Variants in GRID2 observed in about 807,000 individuals in gnomAD.
GRID2 encodes the protein glutamate ionotropic receptor delta type subunit 2, also known as glutamate receptor ionotropic, delta-2.
Under a neutral mutation model 114.8 loss-of-function variants are expected in GRID2, and 33 were observed. The ratio of observed to expected loss-of-function variants is 0.29; its 90% confidence interval spans 0.22 to 0.38. GRID2 has a LOEUF of 0.38. GRID2 is among the 10% of genes least tolerant of loss of function. The pLI is 1.00. For missense variants in GRID2, 1,184 were observed against 1,257.7 expected (o/e 0.94, Z 0.89); for synonymous variants, 505 against 449.9 (o/e 1.12, Z -1.55).
chr4:92,909,731 T>C (rs554164943), intron 2 of GRID2, among the ~76,000 whole-genome samples: 3 of 152,302 alleles, frequency 2.0e-5, no homozygotes, highest in African/African-American at 7.2e-5. Flanking sequence ...TGCTAATGCC[T>C]TCTGTTATTT....
At chr4:93,676,810 A>C (rs1724912074) in intron 14 of GRID2, among the ~76,000 whole-genome samples, 1 of 151,822 alleles carries the variant, frequency 6.6e-6, no homozygotes, top group African/African-American at 2.4e-5. Context: ...AAGATGGCTG[A>C]ATAGGAACAG....
intron 2 of GRID2, among the ~76,000 whole-genome samples, chr4:92,613,588 G>T (rs946066607): frequency 4.6e-5 from 7 of 151,368 alleles, no homozygotes; most frequent in African/African-American, 1.7e-4. Context: ...TACTTGCTTT[G>T]ATCTATTCAG....
At chr4:93,120,785 C>T (rs1733713453) in intron 4 of GRID2, among the ~76,000 whole-genome samples, 1 of 151,972 alleles carries the variant, frequency 6.6e-6, no homozygotes, top group African/African-American at 2.4e-5. Flanking sequence ...AACCCCATCT[C>T]TACTAAAAAC....
intron 1 of GRID2, among the ~76,000 whole-genome samples, chr4:92,573,848 T>G (rs539498532): frequency 1.2e-4 from 18 of 152,206 alleles, no homozygotes; most frequent in Non-Finnish European, 2.1e-4. Flanking sequence ...CAGAGCTGAG[T>G]TCATGTCCTG....
chr4:92,352,349 A>C (rs2110185739), intron 1 of GRID2, among the ~76,000 whole-genome samples: 1 of 144,670 alleles, frequency 6.9e-6, no homozygotes, highest in South Asian at 2.2e-4. Flanking sequence ...TTTTATTATT[A>C]TTATTATTAT....
chr4:93,772,697 A>C lies in GRID2; in HGVS notation c.*199A>C. 5.8e-6 allele frequency: 3 copies of C among 515,828 alleles called. No homozygotes were observed. Among genetic ancestry groups the C allele is most frequent in the South Asian group, 3.5e-5 (1 of 28,324 alleles). 32.0% of individuals were successfully genotyped at this position (515,828 alleles called of 1,614,324 possible). A position where few individuals can be genotyped will look rare whatever the true frequency, so the allele number is the denominator to read the frequency against. On this transcript the variant is annotated 3_prime_UTR_variant, in exon 16 of 16. Transcript: ENST00000282020. ...TCTCTTTCCCCCTCCCTTCCTGTAC[A>C]TTTTCCTCCACTTTTTTTCATTACT...
At chr4:92,685,820 T>C (rs1462238071) in intron 2 of GRID2, among the ~76,000 whole-genome samples, 2 of 152,056 alleles carry the variant, frequency 1.3e-5, no homozygotes, top group East Asian at 1.9e-4. Flanking sequence ...CTTGGAACTA[T>C]AGTCTCTATT....
chr4:93,078,154 A>C (rs927225282), intron 2 of GRID2, among the ~76,000 whole-genome samples: 2 of 152,134 alleles, frequency 1.3e-5, no homozygotes, highest in African/African-American at 2.4e-5. Context: ...TCTGTGTCAC[A>C]GGATCTTTGC....
At chr4:92,669,822 T>C (rs905370898) in intron 2 of GRID2, among the ~76,000 whole-genome samples, 3 of 152,032 alleles carry the variant, frequency 2.0e-5, no homozygotes, top group African/African-American at 7.2e-5. Context: ...GTATTCAAAA[T>C]CTTATCGTAA....
chr4:92,499,825 G>A (rs1370458483), intron 1 of GRID2, among the ~76,000 whole-genome samples: 1 of 152,170 alleles, frequency 6.6e-6, no homozygotes, highest in African/African-American at 2.4e-5. Flanking sequence ...ATGTTGGCCA[G>A]GTTGGTCTTG....
intron 4 of GRID2, among the ~76,000 whole-genome samples, chr4:93,115,807 A>T (rs1180448475): frequency 1.3e-5 from 2 of 152,126 alleles, no homozygotes; most frequent in African/African-American, 4.8e-5. Context: ...CACTACCAAG[A>T]GAACAGTATG....
At chr4:92,675,390 C>T (rs1733293404) in intron 2 of GRID2, among the ~76,000 whole-genome samples, 1 of 152,102 alleles carries the variant, frequency 6.6e-6, no homozygotes, top group Admixed American at 6.5e-5. Context: ...AAAAATTTCT[C>T]TTCAGAATTT....
intron 1 of GRID2, among the ~76,000 whole-genome samples, chr4:92,305,545 AG>A (rs1206739028): frequency 6.6e-6 from 1 of 151,956 alleles, no homozygotes; most frequent in East Asian, 1.9e-4. Context: ...CTCGCCTCGC[AG>A]TCAACTCCGA....
At chr4:92,468,857 C>T (rs1175243242) in intron 1 of GRID2, among the ~76,000 whole-genome samples, 1 of 152,076 alleles carries the variant, frequency 6.6e-6, no homozygotes, top group Non-Finnish European at 1.5e-5. Context: ...AATAGTGAGT[C>T]CATTTAAAAG....
chr4:93,585,084 C>T (rs1022960201), intron 13 of GRID2, among the ~76,000 whole-genome samples: 1 of 152,076 alleles, frequency 6.6e-6, no homozygotes, highest in African/African-American at 2.4e-5. Context: ...CCTTGAGCAT[C>T]CCAAAAAACT....
At position 93,700,401 on chromosome 4, in the gene GRID2, G is replaced by A. The variant is rs184326813; in HGVS notation, c.2361-68809G>A. The stretch of plus-strand genomic sequence containing the variant: ...TGAAGGATTCACTCTTGAACATTTC[G>A]ATTGACTCAATTAATTGTCAATCTT... On this transcript the variant is annotated intron_variant, in intron 14 of 15. Transcript: ENST00000282020. Among the ~76,000 whole-genome samples, 12 of 152,116 alleles carry A rather than the reference G, an allele frequency of 7.9e-5. No homozygotes were observed. In the East Asian group the frequency reaches 1.7e-3, roughly 22 times the overall value.
At chr4:92,475,138 TAATAATA>T (rs1391394023) in intron 1 of GRID2, among the ~76,000 whole-genome samples, 3 of 147,516 alleles carry the variant, frequency 2.0e-5, no homozygotes, top group African/African-American at 7.4e-5. Context: ...TAAATAATAA[TAATAATA>T]ATAATAATAA....
At chr4:92,459,565 C>A (rs900612856) in intron 1 of GRID2, among the ~76,000 whole-genome samples, 2 of 152,046 alleles carry the variant, frequency 1.3e-5, no homozygotes, top group Non-Finnish European at 2.9e-5. Context: ...TTAGTATATT[C>A]TCTCCTTTCC....
At chr4:93,624,491 T>C (rs1742512091) in intron 13 of GRID2, among the ~76,000 whole-genome samples, 2 of 152,206 alleles carry the variant, frequency 1.3e-5, no homozygotes, top group South Asian at 4.1e-4. Flanking sequence ...TTACGGATTT[T>C]TTTTCTTCCT....
Sources: gnomAD v4.1 joint callset for allele counts (sites outside exome capture counted in the v4.1 genomes callset) on GRCh38, gnomAD v4.1.1 for gene constraint, MANE v1.5 for transcripts, NCBI Gene and HGNC (gene_info 2026-07-23, HGNC 2026-07-21) for gene names.